TRPM3: variants seen among roughly 807,000 people sequenced by gnomAD.
The protein encoded by TRPM3 is long transient receptor potential channel 3.
Under a neutral mutation model 181.2 loss-of-function variants are expected in TRPM3, and 77 were observed. The ratio of observed to expected loss-of-function variants is 0.42; its 90% CI spans 0.35 to 0.51. TRPM3 has a LOEUF of 0.51. Ranked by LOEUF, TRPM3 falls within the 20% of genes least tolerant of loss-of-function variation. The probability of loss-of-function intolerance (pLI) is 0.01; values close to 1 mark genes in which losing one functional copy is unlikely to be tolerated. For synonymous variants in TRPM3, 745 were observed against 796.4 expected, an observed-to-expected ratio of 0.94 and a Z score of 1.09; for missense variants, 1,759 against 2,196.7, an observed-to-expected ratio of 0.80 and a Z score of 3.98.
chr9:70,569,791 A>G (rs752543912), intron 22 of TRPM3, among the ~76,000 whole-genome samples: 1 of 152,248 alleles, frequency 6.6e-6, no homozygotes, highest in Non-Finnish European at 1.5e-5. Context: ...TGGGTAGAGC[A>G]GGGCCAACAA....
At chr9:71,300,300 C>G (rs1486422701) in intron 1 of TRPM3, among the ~76,000 whole-genome samples, 1 of 151,998 alleles carries the variant, frequency 6.6e-6, no homozygotes, top group Non-Finnish European at 1.5e-5. Context: ...TTTAATGACA[C>G]TATCATGGAA....
intron 1 of TRPM3, among the ~76,000 whole-genome samples, chr9:71,098,474 G>T (rs2067705512): frequency 6.6e-6 from 1 of 152,136 alleles, no homozygotes; most frequent in Non-Finnish European, 1.5e-5. Flanking sequence ...ACACTATTCA[G>T]CTGAGTCGCA....
In TRPM3 at chr9:71,134,021, G is replaced by A. The variant is rs1055326773; in HGVS notation, c.184-269510C>T. On this transcript the variant is annotated intron_variant, in intron 1 of 24. Coordinates refer to the TRPM3 transcript ENST00000357533. Reference sequence around the variant, plus strand: ...TGTGTGTGTGTGTGTGTGTGCGCGTGCGCGCGCGCGCGTGTCTGTGTTTGC... The same window carrying A: ...TGTGTGTGTGTGTGTGTGTGCGCGTACGCGCGCGCGCGTGTCTGTGTTTGC... Among the ~76,000 whole-genome samples, 72 of 130,414 alleles carry A rather than the reference G, an allele frequency of 5.5e-4. 1 individual carries two copies. Among genetic ancestry groups the A allele is most frequent in the African/African-American group, 1.6e-3 (55 of 34,220 alleles). The allele number at this position is 130,414 out of a possible 152,430, so 85.6% of individuals were successfully genotyped here.
chr9:70,956,297 T>TC (rs386415031), intron 1 of TRPM3, among the ~76,000 whole-genome samples: 2 of 1,666 alleles, frequency 1.2e-3, no homozygotes, highest in African/African-American at 4.4e-3. Flanking sequence ...GAAATACACC[T>TC]TTTTTTTTTT....
chr9:71,312,360 C>T (rs1266315213), intron 1 of TRPM3, among the ~76,000 whole-genome samples: 7 of 152,038 alleles, frequency 4.6e-5, no homozygotes, highest in Non-Finnish European at 1.0e-4. Flanking sequence ...GATATTACTG[C>T]ATATCTATTA....
chr9:71,197,033 A>G (rs2078422664), intron 1 of TRPM3, among the ~76,000 whole-genome samples: 1 of 151,704 alleles, frequency 6.6e-6, no homozygotes, highest in African/African-American at 2.4e-5. Context: ...CCCACACCCC[A>G]CAAGAGTCCC....
chr9:70,601,983 A>G, intron 20 of TRPM3, among the ~76,000 whole-genome samples: 1 of 152,176 alleles, frequency 6.6e-6, no homozygotes, highest in East Asian at 1.9e-4. Context: ...CAAAGACCAA[A>G]GCAAATTTAT....
intron 25 of TRPM3, 25 bp downstream of exon 25, chr9:70,549,517 G>A: frequency 6.3e-7 from 1 of 1,598,522 alleles, no homozygotes; most frequent in Non-Finnish European, 8.5e-7. Flanking sequence ...CACATCTGCA[G>A]GAGGCAGGTG....
intron 1 of TRPM3, among the ~76,000 whole-genome samples, chr9:71,128,621 C>G (rs571970763): frequency 6.6e-6 from 1 of 152,274 alleles, no homozygotes; most frequent in South Asian, 2.1e-4. Flanking sequence ...CAAATACACA[C>G]CCACACACAG....
intron 7 of TRPM3, among the ~76,000 whole-genome samples, chr9:70,777,759 C>T (rs924663444): frequency 6.6e-6 from 1 of 152,054 alleles, no homozygotes; most frequent in African/African-American, 2.4e-5. Context: ...GAAAGTTATA[C>T]TACTTTTCAT....
chr9:70,617,450 G>C (rs1478884707), intron 17 of TRPM3, among the ~76,000 whole-genome samples: 1 of 152,168 alleles, frequency 6.6e-6, no homozygotes, highest in Non-Finnish European at 1.5e-5. Flanking sequence ...GGCCATATAG[G>C]TCAAAGGGAA....
intron 1 of TRPM3, among the ~76,000 whole-genome samples, chr9:71,074,092 C>T (rs1350491007): frequency 6.6e-6 from 1 of 152,140 alleles, no homozygotes; most frequent in East Asian, 1.9e-4. Flanking sequence ...CTAGCGGAAC[C>T]ATGATTATTG....
chr9:70,741,170 G>A (rs997295597), intron 8 of TRPM3, among the ~76,000 whole-genome samples: 1 of 151,966 alleles, frequency 6.6e-6, no homozygotes, highest in Non-Finnish European at 1.5e-5. Context: ...TACAATTCTC[G>A]AAAGAAGATA....
In TRPM3 at chr9:70,593,394, G is replaced by C. The variant is rs190402391; in HGVS notation, c.3049-2189C>G. Among the ~76,000 whole-genome samples the C allele has an allele frequency of 5.3e-5, 8 of 152,184 alleles. No homozygotes were observed. The East Asian group carries it at 1.5e-3, about 29-fold the overall frequency. On this transcript the variant is annotated intron_variant, in intron 21 of 25. Transcript: ENST00000677713. Reference sequence around the variant, plus strand: ...TTTATTTACAAAAAGTTCTATCAATGAAAAAGCACACATGGGTCCTTCATG... The same window carrying C: ...TTTATTTACAAAAAGTTCTATCAATCAAAAAGCACACATGGGTCCTTCATG...
chr9:70,886,453 T>C (rs1334371975), intron 1 of TRPM3, among the ~76,000 whole-genome samples: 2 of 152,150 alleles, frequency 1.3e-5, no homozygotes, highest in African/African-American at 2.4e-5. Flanking sequence ...CTTTACTTTA[T>C]ATTGTACAAC....
intron 1 of TRPM3, among the ~76,000 whole-genome samples, chr9:71,205,894 A>G (rs77995739): frequency 4.6e-5 from 7 of 152,204 alleles, no homozygotes; most frequent in African/African-American, 1.7e-4. Flanking sequence ...AGCACAAATG[A>G]AAGTGTGAAA....
At chr9:71,349,777 C>A (rs191143655) in intron 1 of TRPM3, among the ~76,000 whole-genome samples, 5 of 152,108 alleles carry the variant, frequency 3.3e-5, no homozygotes, top group African/African-American at 9.6e-5. Flanking sequence ...TGAATTCTTA[C>A]ACTCTGCTAC....
At chr9:70,808,363 GA>G (rs781682374) in intron 6 of TRPM3, among the ~76,000 whole-genome samples, 2 of 152,168 alleles carry the variant, frequency 1.3e-5, no homozygotes, top group Non-Finnish European at 2.9e-5. Context: ...TTGTTTACAA[GA>G]ACTATCCCAG....
chr9:71,035,838 G>A (rs902266444), intron 1 of TRPM3, among the ~76,000 whole-genome samples: 2 of 152,072 alleles, frequency 1.3e-5, no homozygotes, highest in African/African-American at 4.8e-5. Flanking sequence ...TACCCTTGAA[G>A]AACTTATCAT....
Sources: allele counts gnomAD v4.1 joint callset (sites outside exome capture counted in the v4.1 genomes callset), GRCh38; gene constraint gnomAD v4.1.1; transcripts MANE v1.5; gene names NCBI Gene and HGNC (gene_info 2026-07-23, HGNC 2026-07-21).